The following ZNF423 variants were observed in gnomAD, a reference collection of about 807,000 sequenced individuals.
The protein encoded by ZNF423 is zinc finger protein 423.
A neutral mutation model predicts 95.8 loss-of-function variants in ZNF423; 12 were observed. That is an observed-to-expected ratio of 0.13 (90% confidence interval 0.08 to 0.20). ZNF423 has a LOEUF of 0.20. Among genes scored for constraint, ZNF423 ranks in the 10% least tolerant of loss-of-function variants. The pLI is 1.00. For missense variants in ZNF423, 1,316 were observed against 1,737.1 expected (o/e 0.76, Z 4.31); for synonymous variants, 749 against 711.9 (o/e 1.05, Z -0.83).
chr16:49,571,191 C>A (rs1055789257), intron 5 of ZNF423, among the ~76,000 whole-genome samples: 3 of 152,096 alleles, frequency 2.0e-5, no homozygotes, highest in Non-Finnish European at 4.4e-5. Flanking sequence ...ATCTACTAAG[C>A]ACCTACCTTG....
chr16:49,571,349 G>A (rs955516606), intron 5 of ZNF423, among the ~76,000 whole-genome samples: 1 of 152,038 alleles, frequency 6.6e-6, no homozygotes, highest in African/African-American at 2.4e-5. Flanking sequence ...CTGTACACAC[G>A]AGTCACCACC....
At chr16:49,740,681 G>A (rs1206809198) in intron 2 of ZNF423, among the ~76,000 whole-genome samples, 2 of 152,194 alleles carry the variant, frequency 1.3e-5, no homozygotes, top group Admixed American at 1.3e-4. Context: ...TCTGTGGATG[G>A]AATTTCAAGC....
chr16:49,851,321 C>T (rs991836604), intron 1 of ZNF423, among the ~76,000 whole-genome samples: 3 of 152,210 alleles, frequency 2.0e-5, no homozygotes, highest in Non-Finnish European at 4.4e-5. Context: ...AGCATGTCTG[C>T]ACCATCAGCC....
rs374604883 is a variant in ZNF423 at position 49,676,983 on chromosome 16, C to G, written c.302-38109G>C. The stretch of plus-strand genomic sequence containing the variant: ...CAGTAATCCTAGCACTTTGGGAGGC[C>G]GAGGTGGGCGGATCACCTGAGGTCA... On this transcript the variant is annotated intron_variant, in intron 3 of 7. Transcript: ENST00000563137. 1.3e-4 allele frequency among the ~76,000 whole-genome samples: 20 copies of G among 151,536 alleles called. No individual in the cohort carries two copies. In the South Asian group the frequency reaches 4.0e-3, roughly 30 times the overall value.
chr16:49,702,909 G>GCACACACA (rs66522223), intron 3 of ZNF423, among the ~76,000 whole-genome samples: 42 of 147,644 alleles, frequency 2.8e-4, no homozygotes, highest in East Asian at 8.4e-4. Context: ...GTGTGCACAC[G>GCACACACA]CACACACACA....
At chr16:49,601,429 T>C (rs1243927193) in intron 5 of ZNF423, among the ~76,000 whole-genome samples, 1 of 152,216 alleles carries the variant, frequency 6.6e-6, no homozygotes, top group East Asian at 1.9e-4. Flanking sequence ...TTGGGATCAA[T>C]ATTACTGTTG....
intron 2 of ZNF423, among the ~76,000 whole-genome samples, chr16:49,776,699 A>C (rs2034127321): frequency 2.0e-5 from 3 of 152,256 alleles, no homozygotes. Flanking sequence ...GCAGGCGAAC[A>C]GACAGATGCA....
chr16:49,565,762 A>G (rs1282864915), intron 5 of ZNF423, among the ~76,000 whole-genome samples: 1 of 152,234 alleles, frequency 6.6e-6, no homozygotes, highest in African/African-American at 2.4e-5. Flanking sequence ...CAGTTCTTAC[A>G]CAACAGCCAG....
chr16:49,607,069 A>ATTT (rs56023806), intron 5 of ZNF423, among the ~76,000 whole-genome samples: 106 of 141,046 alleles, frequency 7.5e-4, no homozygotes, highest in African/African-American at 1.2e-3. Flanking sequence ...AATGTTTTGG[A>ATTT]TTTTTTTTTT....
At chr16:49,856,551 C>T (rs1597068506), upstream of ZNF423, among the ~76,000 whole-genome samples, 1 of 151,562 alleles carries the variant, frequency 6.6e-6, no homozygotes, top group Admixed American at 6.6e-5. Context: ...GGCGGGGGTC[C>T]CTCAACTCAG....
chr16:49,739,496 C>T (rs1350424264), intron 2 of ZNF423, among the ~76,000 whole-genome samples: 6 of 152,092 alleles, frequency 3.9e-5, no homozygotes, highest in Admixed American at 3.9e-4. Context: ...GTGAATCCTC[C>T]CCTTCCCAGA....
At chr16:49,666,349 G>C (rs1404712460) in intron 3 of ZNF423, among the ~76,000 whole-genome samples, 1 of 152,124 alleles carries the variant, frequency 6.6e-6, no homozygotes, top group Non-Finnish European at 1.5e-5. Context: ...CGACAGAGGC[G>C]TAAACACACC....
Position 49,637,917 on chromosome 16 carries a change from G to A in ZNF423, c.1259C>T (p.Pro420Leu). Reference sequence around the variant, plus strand: ...GTTAAAGTCCCGCTTGGAACAATAGGGGCAGCTATAGACCACCTTGGTCCA... The same window carrying A: ...GTTAAAGTCCCGCTTGGAACAATAGAGGCAGCTATAGACCACCTTGGTCCA... ...QGWTKVVYSC[P>L]YCSKRDFNSL... Residue 420 changes from proline to leucine, a missense_variant, in exon 4 of 8, where the codon CCC (proline) becomes CTC (leucine). Coordinates refer to ENST00000563137, the MANE Select transcript of ZNF423 (RefSeq NM_001379286.1). This position sits in a 1 kb window ranked among gnomAD's most constrained non-coding sequence, Gnocchi z 5.6. 1 of 1,614,148 alleles carries A rather than the reference G, an allele frequency of 6.2e-7. No homozygotes were observed. The highest frequency in any genetic ancestry group is 8.5e-7 in the Non-Finnish European group (1 of 1,180,034).
intron 5 of ZNF423, among the ~76,000 whole-genome samples, chr16:49,542,959 A>G (rs1055008382): frequency 3.9e-5 from 6 of 152,088 alleles, no homozygotes; most frequent in African/African-American, 1.4e-4. Context: ...GTGGAGTGGA[A>G]ATGTTCTTCA....
chr16:49,739,527 T>G (rs190599690), intron 2 of ZNF423, among the ~76,000 whole-genome samples: 3 of 152,102 alleles, frequency 2.0e-5, no homozygotes, highest in Admixed American at 6.5e-5. Context: ...CTGAGTAAGG[T>G]GCGAGCCACC....
At chr16:49,657,450 TGGGAATTCA>T (rs1476116188) in intron 3 of ZNF423, among the ~76,000 whole-genome samples, 3 of 152,196 alleles carry the variant, frequency 2.0e-5, no homozygotes, top group Non-Finnish European at 1.5e-5. Flanking sequence ...AGTGGCCCCC[TGGGAATTCA>T]GCAGCTGCAG....
intron 5 of ZNF423, among the ~76,000 whole-genome samples, chr16:49,575,001 A>G (rs1443729355): frequency 6.6e-6 from 1 of 152,124 alleles, no homozygotes. Flanking sequence ...GGCCCTGCCC[A>G]TGGAGCCCCT....
intron 5 of ZNF423, among the ~76,000 whole-genome samples, chr16:49,565,529 C>T (rs1195094566): frequency 6.6e-6 from 1 of 152,162 alleles, no homozygotes; most frequent in Non-Finnish European, 1.5e-5. Context: ...GGGCTTTTCT[C>T]CCCTAAGGAA....
chr16:49,491,719 T>C (rs980985149), intron 7 of ZNF423, among the ~76,000 whole-genome samples: 9 of 152,102 alleles, frequency 5.9e-5, no homozygotes, highest in African/African-American at 2.2e-4. Flanking sequence ...CAGGCTGCCC[T>C]CGCATCCCCC....
Sources: gnomAD v4.1 joint callset for allele counts (sites outside exome capture counted in the v4.1 genomes callset) on GRCh38, gnomAD v4.1.1 for gene constraint, Gnocchi (gnomAD v3.1) non-coding constraint, MANE v1.5 for transcripts, NCBI Gene and HGNC (gene_info 2026-07-23, HGNC 2026-07-21) for gene names.